LRRK1: variants seen among roughly 807,000 people sequenced by gnomAD.
LRRK1 encodes the protein leucine-rich repeat serine/threonine-protein kinase 1.
Under a neutral mutation model 209.1 loss-of-function variants are expected in LRRK1, and 113 were observed. That is an observed-to-expected ratio of 0.54 (90% CI 0.46 to 0.63). The LOEUF is 0.63. LRRK1 is among the 30% of genes least tolerant of loss of function. LRRK1 has a pLI of 0.00. For missense variants in LRRK1, 2,284 were observed against 2,632.2 expected, an observed-to-expected ratio of 0.87 and a Z score of 2.89; for synonymous variants, 1,144 against 1,099.7, an observed-to-expected ratio of 1.04 and a Z score of -0.80.
At chr15:100,965,986 C>G (rs1443011532) in intron 2 of LRRK1, among the ~76,000 whole-genome samples, 1 of 151,898 alleles carries the variant, frequency 6.6e-6, no homozygotes, top group Non-Finnish European at 1.5e-5. Flanking sequence ...AATGTTTGCT[C>G]CATTTTATTT....
chr15:101,011,677 G>A (rs959075180), intron 9 of LRRK1, among the ~76,000 whole-genome samples: 2 of 151,996 alleles, frequency 1.3e-5, no homozygotes, highest in African/African-American at 4.8e-5. Context: ...TTCCTAGTTT[G>A]GCCATTCGTG....
chr15:100,937,439 C>A (rs2042320861), intron 2 of LRRK1, among the ~76,000 whole-genome samples: 1 of 151,972 alleles, frequency 6.6e-6, no homozygotes, highest in Non-Finnish European at 1.5e-5. Flanking sequence ...ACATTTTTCT[C>A]TTTTCATAAG....
At chr15:100,990,351 C>G (rs1290118727) in intron 6 of LRRK1, among the ~76,000 whole-genome samples, 3 of 150,496 alleles carry the variant, frequency 2.0e-5, no homozygotes, top group Admixed American at 6.6e-5. Context: ...TTTTTTTTTC[C>G]TGTTGCAATA....
intron 1 of LRRK1, chr15:100,920,235 C>G (rs1338360219): frequency 6.6e-6 from 1 of 152,354 alleles, no homozygotes; most frequent in Non-Finnish European, 1.5e-5. Flanking sequence ...TTTTCTCCCA[C>G]GAACACTTCC....
chr15:101,010,921 C>A, intron 9 of LRRK1, 84 bp downstream of exon 9: 2 of 1,290,104 alleles, frequency 1.6e-6, no homozygotes, highest in Admixed American at 2.3e-5. Context: ...TGCATTATGT[C>A]AGTTCATCCC....
At chr15:100,998,424 A>G (rs2032527388) in intron 6 of LRRK1, among the ~76,000 whole-genome samples, 1 of 152,094 alleles carries the variant, frequency 6.6e-6, no homozygotes, top group Non-Finnish European at 1.5e-5. Flanking sequence ...CCAACCTTCT[A>G]TGTCTCAGAG....
intron 30 of LRRK1, among the ~76,000 whole-genome samples, chr15:101,062,171 T>TAGAGTG (rs2036223723): frequency 6.6e-6 from 1 of 152,100 alleles, no homozygotes. Flanking sequence ...CATTTCCTCC[T>TAGAGTG]AGAGTGAGGA....
At chr15:101,021,617 G>A (rs769308407) in intron 13 of LRRK1, 7 of 540,040 alleles carry the variant, frequency 1.3e-5, no homozygotes, top group Non-Finnish European at 2.3e-5. Context: ...TTGGGGGAGG[G>A]GACTCAATTC....
At chr15:100,939,511 T>C (rs72765019) in intron 2 of LRRK1, among the ~76,000 whole-genome samples, 29,805 of 152,262 alleles carry the variant, frequency 0.2, 3,146 homozygotes, top group South Asian at 0.29. Context: ...TAATTGTCTC[T>C]CTCTGATGTT....
chr15:101,046,198 C>A, intron 21 of LRRK1, 46 bp downstream of exon 21: 1 of 1,585,556 alleles, frequency 6.3e-7, no homozygotes, highest in Non-Finnish European at 8.6e-7. Context: ...CGAGAGCCAC[C>A]TACAGTTGTA....
intron 13 of LRRK1, 23 bp downstream of exon 13, chr15:101,021,205 C>T (rs984611993): frequency 1.3e-5 from 21 of 1,613,248 alleles, no homozygotes; most frequent in Middle Eastern, 1.7e-4. Flanking sequence ...CTGGAGGGGC[C>T]GTGCTGGCTC....
At chr15:100,924,880 G>A (rs2042082420) in intron 2 of LRRK1, 151 bp downstream of exon 2, 2 of 551,504 alleles carry the variant, frequency 3.6e-6, no homozygotes, top group South Asian at 6.3e-5. Context: ...ATATATCTTG[G>A]GACTCTTAAA....
intron 20 of LRRK1, among the ~76,000 whole-genome samples, chr15:101,033,086 A>T (rs910613329): frequency 6.6e-6 from 1 of 152,170 alleles, no homozygotes; most frequent in Non-Finnish European, 1.5e-5. Flanking sequence ...TCTAGAAGAA[A>T]ATCCATTTTC....
At chr15:101,056,280 C>G (rs1477426834) in intron 27 of LRRK1, among the ~76,000 whole-genome samples, 1 of 152,162 alleles carries the variant, frequency 6.6e-6, no homozygotes, top group Non-Finnish European at 1.5e-5. Context: ...ATACATAACA[C>G]TTTTAGTACC....
In LRRK1 at chr15:101,008,877, T is replaced by A. The variant is rs765643116; in HGVS notation, c.803T>A (p.Val268Glu). 6.2e-7 allele frequency: 1 copy of A among 1,614,214 alleles called. No individual in the cohort carries two copies. Among genetic ancestry groups the A allele is most frequent in the Admixed American group, 1.7e-5 (1 of 60,030 alleles). ...VKWSHLRLPWVDLDWLIDISC... is the reference protein window; with the variant it reads ...VKWSHLRLPWEDLDWLIDISC... ...TGGTCCCATCTCAGACTGCCCTGGG[T>A]AGACCTAGACTGGCTCATAGACATC... Residue 268 changes from valine (V) to glutamate (E), a missense_variant, in exon 7 of 34, where the codon GTA becomes GAA. Val to Glu is a moderately radical substitution (Grantham distance 121). This residue lies in a region of LRRK1 where 494 missense variants were observed against 522.1 expected (regional missense o/e 0.95). Coordinates refer to ENST00000388948, the MANE Select transcript of LRRK1 (RefSeq NM_024652.6).
chr15:101,004,265 A>G (rs1438121042), intron 6 of LRRK1, among the ~76,000 whole-genome samples: 1 of 152,186 alleles, frequency 6.6e-6, no homozygotes, highest in African/African-American at 2.4e-5. Context: ...ATAAAGTTGG[A>G]AAAGTGGGTT....
chr15:100,952,657 T>C (rs74449352), intron 2 of LRRK1, among the ~76,000 whole-genome samples: 10,532 of 151,896 alleles, frequency 0.069, 656 homozygotes, highest in African/African-American at 0.16. Context: ...TTTCCTCTGA[T>C]GGAGACAGCA....
intron 12 of LRRK1, among the ~76,000 whole-genome samples, chr15:101,016,353 G>A (rs959344625): frequency 6.6e-6 from 1 of 151,368 alleles, no homozygotes; most frequent in African/African-American, 2.4e-5. Flanking sequence ...TGACAGTGCT[G>A]GCGCCCTCCT....
At chr15:101,041,140 A>G (rs775523499) in intron 20 of LRRK1, among the ~76,000 whole-genome samples, 15 of 152,192 alleles carry the variant, frequency 9.9e-5, no homozygotes, top group South Asian at 4.1e-4. Flanking sequence ...TCATTATACA[A>G]TGTTTCTCTT....
Sources: allele counts gnomAD v4.1 joint callset (sites outside exome capture counted in the v4.1 genomes callset), GRCh38; gene constraint gnomAD v4.1.1; regional missense constraint gnomAD v4.1.1; transcripts MANE v1.5; gene names NCBI Gene and HGNC (gene_info 2026-07-23, HGNC 2026-07-21).